The following TMEM255A variants were observed in gnomAD, a reference collection of about 807,000 sequenced individuals.
TMEM255A encodes the protein family with sequence similarity 70, member A.
Under a neutral mutation model 23.5 loss-of-function variants are expected in TMEM255A, and 14 were observed. The ratio of observed to expected loss-of-function variants is 0.60; its 90% CI spans 0.39 to 0.93. The LOEUF is 0.93. Among genes scored for constraint, TMEM255A ranks in the 40% least tolerant of loss-of-function variants. The probability of loss-of-function intolerance (pLI) is 0.00; values close to 1 mark genes in which losing one functional copy is unlikely to be tolerated. For missense variants in TMEM255A, 233 were observed against 261.7 expected (o/e 0.89, Z 0.76); for synonymous variants, 104 against 100.3 (o/e 1.04, Z -0.22).
chrX:120,305,678 AG>A (rs1174796682), intron 1 of TMEM255A, among the ~76,000 whole-genome samples: 1 of 78,782 alleles, frequency 1.3e-5, no homozygotes, highest in Non-Finnish European at 2.4e-5. Flanking sequence ...GGGAGGGGAG[AG>A]GGGATAGAGG....
rs112059092 is a variant in TMEM255A at position 120,276,262 on chromosome X, G to A, written c.675+623C>T. On this transcript the variant is annotated intron_variant, in intron 7 of 8. Coordinates refer to ENST00000371369, the MANE Select transcript of TMEM255A (RefSeq NM_001104544.3). The stretch of plus-strand genomic sequence containing the variant: ...GAGTACCTACTGAATGCTGAGTCCT[G>A]CTGTGCCTTTGCAGACACACACACA... Among the ~76,000 whole-genome samples the A allele has an allele frequency of 7.2e-3, 800 of 111,627 alleles. 5 individuals are homozygous for A. Among genetic ancestry groups the A allele is most frequent in the Middle Eastern group, 0.042 (9 of 215 alleles).
chrX:120,277,114 C>A lies in TMEM255A; in HGVS notation c.513-67G>T, dbSNP rs1211233148. On this transcript the variant is annotated intron_variant, in intron 6 of 8. Coordinates refer to ENST00000371369, the MANE Select transcript of TMEM255A (RefSeq NM_001104544.3). ...AGGCTGTCCTCCCCAGCCCCCTCCC[C>A]AACTCTGGGATTGGGCTACCATACA... is the stretch of plus-strand genomic sequence containing the variant. 9 of 1,015,647 alleles carry A rather than the reference C, an allele frequency of 8.9e-6. No individual in the cohort carries two copies. In the African/African-American group the frequency reaches 1.1e-4, roughly 13 times the overall value. The allele number at this position is 1,015,647 out of a possible 1,213,427, so 83.7% of individuals were successfully genotyped here.
downstream of TMEM255A, chrX:120,255,496 G>C: frequency 1.1e-6 from 1 of 934,800 alleles, no homozygotes; most frequent in Non-Finnish European, 1.5e-6. Flanking sequence ...CAGAAGATCT[G>C]TAAAACAAAT....
At chrX:120,310,051 G>C (rs1307738122) in intron 1 of TMEM255A, 5 of 110,851 alleles carry the variant, frequency 4.5e-5, no homozygotes, top group Non-Finnish European at 9.5e-5. Context: ...TAGGGGGTTC[G>C]ATCTTCTCCC....
intron 6 of TMEM255A, among the ~76,000 whole-genome samples, chrX:120,281,047 G>A (rs1220249349): frequency 8.9e-6 from 1 of 112,229 alleles, no homozygotes; most frequent in Non-Finnish European, 1.9e-5. Flanking sequence ...AATCTAATAT[G>A]TGTTGGTAGC....
At chrX:120,301,456 A>G (rs1556026001) in intron 2 of TMEM255A, among the ~76,000 whole-genome samples, 1 of 111,922 alleles carries the variant, frequency 8.9e-6, no homozygotes, top group Non-Finnish European at 1.9e-5. Flanking sequence ...ATTTAAAGTG[A>G]CCACTTTGAC....
intron 4 of TMEM255A, 117 bp from the exon 5 acceptor site, chrX:120,287,339 A>ACACACACACACACACACACACAC: frequency 3.6e-6 from 2 of 553,755 alleles, no homozygotes; most frequent in Non-Finnish European, 6.2e-6. Context: ...ACACACACAG[A>ACACACACACACACACACACACAC]AGCAGGCAGG....
intron 1 of TMEM255A, among the ~76,000 whole-genome samples, chrX:120,310,340 G>GT (rs1165216198): frequency 3.4e-4 from 37 of 108,994 alleles, no homozygotes; most frequent in Middle Eastern, 4.6e-3. Flanking sequence ...GACTGGGTTT[G>GT]TTTTTTTTTG....
intron 2 of TMEM255A, among the ~76,000 whole-genome samples, chrX:120,302,328 T>G (rs1556026120): frequency 9.0e-6 from 1 of 111,064 alleles, no homozygotes; most frequent in Non-Finnish European, 1.9e-5. Context: ...GAAAATACCT[T>G]CCCCTCACCC....
chrX:120,266,005 A>AAG (rs61069855), intron 8 of TMEM255A, among the ~76,000 whole-genome samples: 88 of 105,476 alleles, frequency 8.3e-4, no homozygotes, highest in African/African-American at 2.9e-3. Context: ...AAAAAAAAAA[A>AAG]TAGCCGGGCA....
chrX:120,287,281 G>C, intron 4 of TMEM255A, 59 bp from the exon 5 acceptor site: 1 of 813,258 alleles, frequency 1.2e-6, no homozygotes, highest in Non-Finnish European at 1.8e-6. Context: ...AACAGCAAGT[G>C]TTGTACTTGG....
In TMEM255A at chrX:120,260,330, A is replaced by C. The variant is rs1484067202; in HGVS notation, c.*540T>G. On this transcript the variant is annotated 3_prime_UTR_variant, in exon 9 of 9. Transcript: ENST00000371369. The stretch of plus-strand genomic sequence containing the variant: ...TACTCACAGAGAAGGAAGGAGTAAG[A>C]GATACGGGCAGTCTTTTTCAACATC... 40 of 287,588 alleles carry C rather than the reference A, an allele frequency of 1.4e-4. No individual in the cohort carries two copies. Among genetic ancestry groups the C allele is most frequent in the Non-Finnish European group, 1.5e-4 (32 of 213,104 alleles). 23.7% of individuals were successfully genotyped at this position (287,588 alleles called of 1,213,427 possible).
At chrX:120,266,022 C>T (rs782458767) in intron 8 of TMEM255A, among the ~76,000 whole-genome samples, 51 of 104,226 alleles carry the variant, frequency 4.9e-4, no homozygotes, top group African/African-American at 1.6e-3. Flanking sequence ...GGCATGGTGG[C>T]ACGCACCTGT....
intron 8 of TMEM255A, among the ~76,000 whole-genome samples, chrX:120,265,403 A>T (rs2057709957): frequency 8.9e-6 from 1 of 112,123 alleles, no homozygotes; most frequent in Non-Finnish European, 1.9e-5. Flanking sequence ...GGAGACATAT[A>T]AAAAGTGTCC....
intron 2 of TMEM255A, among the ~76,000 whole-genome samples, chrX:120,295,273 C>G (rs1332322861): frequency 9.0e-6 from 1 of 111,565 alleles, no homozygotes; most frequent in Non-Finnish European, 1.9e-5. Flanking sequence ...CCATCTGCAG[C>G]CTTACTTTGG....
intron 1 of TMEM255A, among the ~76,000 whole-genome samples, chrX:120,310,479 G>A (rs1432740749): frequency 9.0e-6 from 1 of 111,707 alleles, no homozygotes; most frequent in Non-Finnish European, 1.9e-5. Context: ...GGAAAAGCGC[G>A]ACTTCAGAAG....
intron 8 of TMEM255A, among the ~76,000 whole-genome samples, chrX:120,266,823 C>T (rs1382135622): frequency 8.9e-6 from 1 of 112,368 alleles, no homozygotes; most frequent in Non-Finnish European, 1.9e-5. Context: ...TTGAAATTAT[C>T]TATGCCCTTC....
chrX:120,264,814 C>T (rs1444143177), intron 8 of TMEM255A, among the ~76,000 whole-genome samples: 1 of 108,948 alleles, frequency 9.2e-6, no homozygotes, highest in Non-Finnish European at 1.9e-5. Flanking sequence ...ATCTGGAGTG[C>T]ATTTGCTGAC....
intron 1 of TMEM255A, among the ~76,000 whole-genome samples, chrX:120,305,574 G>A (rs1556026881): frequency 9.0e-6 from 1 of 110,708 alleles, no homozygotes; most frequent in African/African-American, 3.3e-5. Context: ...GAGATCACTT[G>A]AGTCTGTCCA....
Sources: allele counts gnomAD v4.1 joint callset (sites outside exome capture counted in the v4.1 genomes callset), GRCh38; gene constraint gnomAD v4.1.1; transcripts MANE v1.5; gene names NCBI Gene and HGNC (gene_info 2026-07-23, HGNC 2026-07-21).